The following SH2D4A variants were observed in gnomAD, a reference collection of about 807,000 sequenced individuals.
SH2D4A encodes the protein SH2 domain containing 4A.
In SH2D4A, 70 loss-of-function variants were observed where a neutral mutation model predicts 64.7. The observed-to-expected ratio is 1.08, with a 90% CI of 0.89 to 1.32. The LOEUF (loss-of-function observed/expected upper bound fraction) is 1.32. Ranked by LOEUF, SH2D4A falls within the 40% of genes most tolerant of loss-of-function variation. SH2D4A has a pLI of 0.00. For missense variants in SH2D4A, 706 were observed against 540.1 expected, an observed-to-expected ratio of 1.31 and a Z score of -3.04; for synonymous variants, 268 against 200.7, an observed-to-expected ratio of 1.34 and a Z score of -2.83.
At chr8:19,319,852 T>C in intron 2 of SH2D4A, 124 bp downstream of exon 2, 3 of 965,652 alleles carry the variant, frequency 3.1e-6, no homozygotes, top group Non-Finnish European at 4.5e-6. Context: ...GAATCCTAAA[T>C]GTTATTGAGA....
At chr8:19,378,150 T>C (rs2053228026) in intron 8 of SH2D4A, among the ~76,000 whole-genome samples, 2 of 152,218 alleles carry the variant, frequency 1.3e-5, no homozygotes, top group African/African-American at 4.8e-5. Flanking sequence ...TATTGACCTA[T>C]AGGATTTTAC....
At chr8:19,339,859 T>C (rs1053589445) in intron 4 of SH2D4A, among the ~76,000 whole-genome samples, 9 of 152,140 alleles carry the variant, frequency 5.9e-5, no homozygotes, top group Admixed American at 3.3e-4. Context: ...CCAAGGTTGA[T>C]TGATTTACTC....
Position 19,393,256 on chromosome 8 carries a change from AAC to A in SH2D4A, c.1049-60_1049-59del, listed in dbSNP as rs2153652736. 6.1e-6 allele frequency: 9 copies of A among 1,485,268 alleles called. No individual in the cohort carries two copies. In the South Asian group the frequency reaches 1.0e-4, roughly 17 times the overall value. 92.0% of individuals were successfully genotyped at this position (1,485,268 alleles called of 1,614,324 possible). ...ACTCTATATCCATGCAGCTGGATTTAACAGAGGGGATTTTCTGGAATGATTTG... is the reference window on the plus strand; with the variant it reads ...ACTCTATATCCATGCAGCTGGATTTAAGAGGGGATTTTCTGGAATGATTTG... On this transcript the variant is annotated intron_variant, in intron 8 of 9. Coordinates refer to ENST00000265807, the MANE Select transcript of SH2D4A (RefSeq NM_022071.4).
At chr8:19,327,470 C>G (rs2052299578) in intron 2 of SH2D4A, among the ~76,000 whole-genome samples, 1 of 152,178 alleles carries the variant, frequency 6.6e-6, no homozygotes, top group African/African-American at 2.4e-5. Context: ...ACACTGCTTA[C>G]AGAAATGGGG....
chr8:19,364,243 A>G lies in SH2D4A; in HGVS notation c.878A>G (p.Gln293Arg). 1.9e-6 allele frequency: 3 copies of G among 1,614,198 alleles called. No homozygotes were observed. The highest frequency in any genetic ancestry group is 2.5e-6 in the Non-Finnish European group (3 of 1,180,004). Residue 293 changes from glutamine to arginine, a missense_variant, in exon 7 of 10, where the codon CAG becomes CGG. Transcript: ENST00000265807. ...AGACCTCCCCTTCCACCCAAGCCTC[A>G]GTTCCTAAACTCAGGGGCATATCCT... ...PERPPLPPKP[Q>R]FLNSGAYPQK...
intron 8 of SH2D4A, among the ~76,000 whole-genome samples, chr8:19,374,301 A>G (rs1304068469): frequency 6.6e-6 from 1 of 152,182 alleles, no homozygotes; most frequent in African/African-American, 2.4e-5. Context: ...CACCCAGCAG[A>G]TACTTCACAG....
chr8:19,365,919 G>T (rs2052986292), intron 7 of SH2D4A, among the ~76,000 whole-genome samples: 1 of 149,630 alleles, frequency 6.7e-6, no homozygotes, highest in Admixed American at 6.6e-5. Context: ...TATGTGTGCA[G>T]TGTCTGCCTC....
intron 4 of SH2D4A, among the ~76,000 whole-genome samples, chr8:19,350,624 C>A (rs1408728911): frequency 2.0e-5 from 3 of 152,120 alleles, no homozygotes; most frequent in Non-Finnish European, 2.9e-5. Flanking sequence ...GCTGGAACTA[C>A]AGGCGCACAC....
At chr8:19,380,855 G>A (rs925004235) in intron 8 of SH2D4A, among the ~76,000 whole-genome samples, 1 of 151,940 alleles carries the variant, frequency 6.6e-6, no homozygotes, top group Non-Finnish European at 1.5e-5. Context: ...TGATTATTTG[G>A]GGTCTCAAGA....
intron 6 of SH2D4A, among the ~76,000 whole-genome samples, chr8:19,361,670 A>AT (rs2052890739): frequency 6.6e-6 from 1 of 152,240 alleles, no homozygotes; most frequent in Non-Finnish European, 1.5e-5. Flanking sequence ...AAGCTTCGCT[A>AT]TTTAGAAATG....
At position 19,319,441 on chromosome 8, in the gene SH2D4A, T is replaced by C. The variant is rs1195507773; in HGVS notation, c.-107T>C. ...CAGTCAGCCAGGATTGTGAGCTGTTTGGGAAGTTTCGTGGAAACGCCCAAG... is the reference window on the plus strand; with the variant it reads ...CAGTCAGCCAGGATTGTGAGCTGTTCGGGAAGTTTCGTGGAAACGCCCAAG... On this transcript the variant is annotated 5_prime_UTR_variant, in exon 2 of 10. Coordinates refer to ENST00000265807, the MANE Select transcript of SH2D4A (RefSeq NM_022071.4). 6 of 1,341,066 alleles carry C rather than the reference T, an allele frequency of 4.5e-6. No homozygotes were observed. The highest frequency in any genetic ancestry group is 3.0e-5 in the African/African-American group (2 of 65,832). The allele number at this position is 1,341,066 out of a possible 1,614,324, so 83.1% of individuals were successfully genotyped here. A position where few individuals can be genotyped will look rare whatever the true frequency, so the allele number is the denominator to read the frequency against.
chr8:19,346,656 G>T (rs541510163), intron 4 of SH2D4A, among the ~76,000 whole-genome samples: 1 of 152,278 alleles, frequency 6.6e-6, no homozygotes, highest in South Asian at 2.1e-4. Flanking sequence ...ATGCCAAAAA[G>T]GTAGGGAACT....
At chr8:19,377,128 C>T (rs2053209595) in intron 8 of SH2D4A, among the ~76,000 whole-genome samples, 1 of 152,118 alleles carries the variant, frequency 6.6e-6, no homozygotes, top group African/African-American at 2.4e-5. Flanking sequence ...TACCTGTAAT[C>T]CCAGTGCTTT....
intron 2 of SH2D4A, among the ~76,000 whole-genome samples, chr8:19,332,309 C>G (rs546501238): frequency 6.6e-6 from 1 of 152,192 alleles, no homozygotes; most frequent in East Asian, 1.9e-4. Flanking sequence ...ACAATGAATG[C>G]TTGCTTCCCA....
intron 6 of SH2D4A, among the ~76,000 whole-genome samples, chr8:19,362,761 A>G (rs1290426592): frequency 6.6e-6 from 1 of 151,856 alleles, no homozygotes; most frequent in Non-Finnish European, 1.5e-5. Flanking sequence ...AAAACAAAAC[A>G]AAAAAAACAC....
At chr8:19,331,483 A>C (rs1265766698) in intron 2 of SH2D4A, among the ~76,000 whole-genome samples, 1 of 152,080 alleles carries the variant, frequency 6.6e-6, no homozygotes, top group East Asian at 1.9e-4. Flanking sequence ...GGTACGCTCC[A>C]CCTGCCCCCG....
chr8:19,337,946 G>A (rs1242436300), intron 4 of SH2D4A, among the ~76,000 whole-genome samples: 1 of 152,142 alleles, frequency 6.6e-6, no homozygotes, highest in African/African-American at 2.4e-5. Flanking sequence ...GAAGAAAGAG[G>A]CAGAAAGCAG....
Position 19,393,490 on chromosome 8 carries a change from C to T in SH2D4A, c.1221C>T (p.Gly407=), listed in dbSNP as rs746149145. ...CTGCAGACGCCTACAGCTTCCTGGG[C>T]GTGGACCAGCTACAGCATGCCACCT... ...DASADAYSFL[G]VDQLQHATLA... is the part of the protein sequence containing the mutation. The change falls in exon 9 of 10, where the codon GGC becomes GGT. Residue 407 remains glycine (G), a synonymous_variant. Transcript: ENST00000265807. The T allele has an allele frequency of 9.9e-6, 16 of 1,614,066 alleles. No homozygotes were observed. The highest frequency in any genetic ancestry group is 6.7e-5 in the East Asian group (3 of 44,888).
At chr8:19,348,450 C>G (rs546011137) in intron 4 of SH2D4A, among the ~76,000 whole-genome samples, 2 of 152,234 alleles carry the variant, frequency 1.3e-5, no homozygotes, top group Non-Finnish European at 2.9e-5. Flanking sequence ...AAGTAGCAAC[C>G]TGTAAAATGA....
Sources: gnomAD v4.1 joint callset for allele counts (sites outside exome capture counted in the v4.1 genomes callset) on GRCh38, gnomAD v4.1.1 for gene constraint, MANE v1.5 for transcripts, NCBI Gene and HGNC (gene_info 2026-07-23, HGNC 2026-07-21) for gene names.